The following BRWD3 variants were observed in gnomAD, a reference collection of about 807,000 sequenced individuals.
BRWD3 encodes bromodomain and WD repeat-containing protein 3.
In BRWD3, 10 loss-of-function variants were observed where a neutral mutation model predicts 149.7. That is an observed-to-expected ratio of 0.07 (90% CI 0.04 to 0.11). BRWD3 has a LOEUF of 0.11. Ranked by LOEUF, BRWD3 falls within the 10% of genes least tolerant of loss-of-function variation. The pLI, the probability that BRWD3 is intolerant of heterozygous loss-of-function variation, is 1.00. For synonymous variants in BRWD3, 504 were observed against 456.7 expected, an observed-to-expected ratio of 1.10 and a Z score of -1.32; for missense variants, 940 against 1,373.2, an observed-to-expected ratio of 0.68 and a Z score of 4.99.
intron 7 of BRWD3, 49 bp downstream of exon 7, chrX:80,745,520 A>T: frequency 8.9e-7 from 1 of 1,126,758 alleles, no homozygotes; most frequent in Non-Finnish European, 1.2e-6. Context: ...GTCTGGCTTC[A>T]ATTGTTGTAA....
intron 20 of BRWD3, among the ~76,000 whole-genome samples, chrX:80,714,759 A>G (rs1410315309): frequency 4.5e-5 from 5 of 111,921 alleles, no homozygotes; most frequent in Non-Finnish European, 9.4e-5. Context: ...ACATAGACGC[A>G]CACAAATTCA....
At chrX:80,739,306 G>C (rs1472774435) in intron 8 of BRWD3, among the ~76,000 whole-genome samples, 1 of 111,785 alleles carries the variant, frequency 8.9e-6, no homozygotes, top group African/African-American at 3.2e-5. Context: ...GGATGAAAAG[G>C]CTTGGGGAGA....
intron 25 of BRWD3, among the ~76,000 whole-genome samples, chrX:80,699,093 C>A (rs957161522): frequency 9.2e-6 from 1 of 108,512 alleles, no homozygotes; most frequent in Non-Finnish European, 1.9e-5. Flanking sequence ...CGTGTACCTG[C>A]GATCCCAGCT....
chrX:80,741,994 G>A (rs1166920588), intron 8 of BRWD3, among the ~76,000 whole-genome samples: 1 of 111,625 alleles, frequency 9.0e-6, no homozygotes, highest in Non-Finnish European at 1.9e-5. Flanking sequence ...CCATGCCTAT[G>A]TCCTGAATGG....
intron 4 of BRWD3, among the ~76,000 whole-genome samples, chrX:80,803,676 A>G (rs1157934291): frequency 8.9e-6 from 1 of 112,205 alleles, no homozygotes; most frequent in Non-Finnish European, 1.9e-5. Context: ...GGTTGAGCAG[A>G]GCATGCTTTT....
chrX:80,677,800 T>C (rs2147668185), intron 40 of BRWD3, among the ~76,000 whole-genome samples: 1 of 112,106 alleles, frequency 8.9e-6, no homozygotes, highest in African/African-American at 3.2e-5. Flanking sequence ...ACAAAGTGAA[T>C]AAATTAATAA....
At chrX:80,749,567 TG>T (rs1300741618) in intron 6 of BRWD3, among the ~76,000 whole-genome samples, 1 of 111,385 alleles carries the variant, frequency 9.0e-6, no homozygotes, top group Non-Finnish European at 1.9e-5. Flanking sequence ...TTTCAGTCTA[TG>T]GGTGTCCTTA....
intron 14 of BRWD3, among the ~76,000 whole-genome samples, chrX:80,725,772 TTAC>T (rs2073212511): frequency 9.3e-6 from 1 of 107,793 alleles, no homozygotes; most frequent in Non-Finnish European, 1.9e-5. Flanking sequence ...TTTACATGTG[TTAC>T]ATGCCTATAT....
Position 80,809,720 on chromosome X carries a change from TGA to T in BRWD3, c.-251_-250del, listed in dbSNP as rs1057516007. 97 of 221,506 alleles carry T rather than the reference TGA, an allele frequency of 4.4e-4. No individual in the cohort carries two copies. Among genetic ancestry groups the T allele is most frequent in the African/African-American group, 3.4e-3 (64 of 18,873 alleles). The allele number at this position is 221,506 out of a possible 1,213,427, so 18.3% of individuals were successfully genotyped here. A position where few individuals can be genotyped will look rare whatever the true frequency, so the allele number is the denominator to read the frequency against. ...GAGAGGGAGAGAGAGAGTGAGTGAG[TGA>T]GAGAGAGAGAGAGAAGAGAGAGAGA... On this transcript the variant is annotated 5_prime_UTR_variant, in exon 1 of 41. Coordinates refer to ENST00000373275, the MANE Select transcript of BRWD3 (RefSeq NM_153252.5).
chrX:80,794,168 ACT>A lies in BRWD3; in HGVS notation c.181-398_181-397del, dbSNP rs1425124113. On this transcript the variant is annotated intron_variant, in intron 4 of 40. Coordinates refer to ENST00000373275, the MANE Select transcript of BRWD3 (RefSeq NM_153252.5). ...ACTCCCGTCTGGGCAACACAGCGAGACTCTGACTCAAAAAAAGAAATAAAAAA... is the reference window on the plus strand; with the variant it reads ...ACTCCCGTCTGGGCAACACAGCGAGACTGACTCAAAAAAAGAAATAAAAAA... Among the ~76,000 whole-genome samples, 9 of 111,163 alleles carry A rather than the reference ACT, an allele frequency of 8.1e-5. 1 individual carries two copies. The highest frequency in any genetic ancestry group is 2.6e-4 in the African/African-American group (8 of 30,551).
intron 8 of BRWD3, among the ~76,000 whole-genome samples, chrX:80,740,750 AAACAC>A (rs1389826570): frequency 9.0e-6 from 1 of 111,359 alleles, no homozygotes; most frequent in Admixed American, 9.6e-5. Context: ...AAACAAAACA[AAACAC>A]ATCAAATTGA....
intron 13 of BRWD3, 139 bp from the exon 14 acceptor site, chrX:80,729,044 T>A: frequency 1.9e-6 from 1 of 514,027 alleles, no homozygotes; most frequent in Admixed American, 3.5e-5. Context: ...CGTTAAGTAT[T>A]CATGAAAGAA....
At chrX:80,788,169 A>G (rs745774288) in intron 6 of BRWD3, among the ~76,000 whole-genome samples, 172 of 109,411 alleles carry the variant, frequency 1.6e-3, no homozygotes, top group African/African-American at 5.6e-3. Flanking sequence ...CAGGGACAGT[A>G]GCTCATGCTT....
chrX:80,775,827 C>A (rs2073995211), intron 6 of BRWD3, among the ~76,000 whole-genome samples: 1 of 111,905 alleles, frequency 8.9e-6, no homozygotes, highest in Non-Finnish European at 1.9e-5. Context: ...TGATCCAATA[C>A]CATAATTACA....
chrX:80,805,292 A>G (rs780140196), intron 4 of BRWD3, among the ~76,000 whole-genome samples: 3 of 111,738 alleles, frequency 2.7e-5, no homozygotes, highest in Non-Finnish European at 5.6e-5. Context: ...AATTCAATTT[A>G]TCATTACCTT....
At chrX:80,721,168 T>C (rs1569260472) in intron 17 of BRWD3, among the ~76,000 whole-genome samples, 1 of 112,265 alleles carries the variant, frequency 8.9e-6, no homozygotes, top group Non-Finnish European at 1.9e-5. Context: ...TGAATGAAAA[T>C]GTTAAATCTT....
chrX:80,800,385 T>C (rs1056954898), intron 4 of BRWD3, among the ~76,000 whole-genome samples: 4 of 103,764 alleles, frequency 3.9e-5, no homozygotes, highest in Admixed American at 2.1e-4. Flanking sequence ...CTATAAAAAG[T>C]AAAATTATTA....
intron 6 of BRWD3, among the ~76,000 whole-genome samples, chrX:80,768,663 C>T (rs983969282): frequency 1.8e-5 from 2 of 111,487 alleles, no homozygotes; most frequent in East Asian, 5.6e-4. Context: ...TAGGAAGAAA[C>T]TGCATCAACT....
intron 8 of BRWD3, among the ~76,000 whole-genome samples, chrX:80,737,021 T>C (rs1000102599): frequency 5.3e-5 from 6 of 112,331 alleles, no homozygotes; most frequent in East Asian, 2.8e-4. Flanking sequence ...ATTATCATTA[T>C]AGAAATTTGA....
Sources: allele counts gnomAD v4.1 joint callset (sites outside exome capture counted in the v4.1 genomes callset), GRCh38; gene constraint gnomAD v4.1.1; transcripts MANE v1.5; gene names NCBI Gene and HGNC (gene_info 2026-07-23, HGNC 2026-07-21).